The following TRHDE variants were observed in gnomAD, a reference collection of about 807,000 sequenced individuals.
The protein encoded by TRHDE is thyrotropin-releasing hormone-degrading ectoenzyme.
TRHDE carries 72 observed loss-of-function variants against 125.7 expected under a neutral mutation model. The ratio of observed to expected loss-of-function variants is 0.57; its 90% confidence interval spans 0.47 to 0.70. TRHDE has a LOEUF of 0.70. Among genes scored for constraint, TRHDE ranks in the 30% least tolerant of loss-of-function variants. The pLI is 0.00. For synonymous variants in TRHDE, 509 were observed against 509.1 expected (o/e 1.00, Z 0.00); for missense variants, 1,110 against 1,327.1 (o/e 0.84, Z 2.54).
intron 12 of TRHDE, among the ~76,000 whole-genome samples, chr12:72,588,459 T>C (rs1871532915): frequency 6.6e-6 from 1 of 152,156 alleles, no homozygotes; most frequent in Non-Finnish European, 1.5e-5. Flanking sequence ...GTAAGGAGCA[T>C]TGCAGGCTGA....
intron 2 of TRHDE, among the ~76,000 whole-genome samples, chr12:72,184,698 A>G (rs1192295180): frequency 6.6e-6 from 1 of 151,274 alleles, no homozygotes; most frequent in Non-Finnish European, 1.5e-5. Context: ...CTTACCTGCA[A>G]TTTCTTCTTG....
chr12:72,375,776 A>C (rs568148117), intron 2 of TRHDE, among the ~76,000 whole-genome samples: 2 of 152,288 alleles, frequency 1.3e-5, no homozygotes, highest in Admixed American at 1.3e-4. Flanking sequence ...ATTGCTTTTT[A>C]TCTCAATAAT....
intron 3 of TRHDE, among the ~76,000 whole-genome samples, chr12:72,403,927 G>C (rs1873154012): frequency 6.6e-6 from 1 of 152,160 alleles, no homozygotes; most frequent in Non-Finnish European, 1.5e-5. Context: ...TTTGACTATG[G>C]ATAGGAAGAA....
chr12:72,428,975 G>A lies in TRHDE; in HGVS notation c.1316-40783G>A, dbSNP rs185689229. ...AAATTCCATTGTATAGATATACCAC[G>A]TTTTGTGACACATATACACCATGGA... On this transcript the variant is annotated intron_variant, in intron 3 of 18. Transcript: ENST00000261180. 8.6e-4 allele frequency among the ~76,000 whole-genome samples: 130 copies of A among 151,880 alleles called. 1 individual carries two copies. The highest frequency in any genetic ancestry group is 3.0e-3 in the African/African-American group (125 of 41,420).
At chr12:72,375,616 C>A (rs1485428179) in intron 2 of TRHDE, among the ~76,000 whole-genome samples, 1 of 152,130 alleles carries the variant, frequency 6.6e-6, no homozygotes, top group Non-Finnish European at 1.5e-5. Flanking sequence ...CTACTAGATA[C>A]TTTATGTAGA....
intron 12 of TRHDE, among the ~76,000 whole-genome samples, chr12:72,612,178 G>A (rs573987337): frequency 1.3e-5 from 2 of 152,162 alleles, no homozygotes; most frequent in African/African-American, 4.8e-5. Flanking sequence ...CACCAAACTT[G>A]TTGCTTCCTC....
At chr12:72,470,468 G>T (rs754097592) in intron 4 of TRHDE, among the ~76,000 whole-genome samples, 1 of 152,130 alleles carries the variant, frequency 6.6e-6, no homozygotes, top group Non-Finnish European at 1.5e-5. Context: ...TGCCAACTTT[G>T]TAGTGAAGCT....
At position 72,603,741 on chromosome 12, in the gene TRHDE, A is replaced by AACAAAAC. The variant is rs1327030234; in HGVS notation, c.2322-15148_2322-15142dup. ...CTCCGTCTCAAAACAAAAAACAAAA[A>AACAAAAC]ACAAAACAAAACAACAACAACAACA... On this transcript the variant is annotated intron_variant, in intron 12 of 18. Coordinates refer to ENST00000261180, the MANE Select transcript of TRHDE (RefSeq NM_013381.3). 2.5e-4 allele frequency among the ~76,000 whole-genome samples: 38 copies of AACAAAAC among 149,340 alleles called. 1 individual carries two copies. In the South Asian group the frequency reaches 6.7e-3, roughly 26 times the overall value.
At chr12:72,438,734 T>G (rs533575352) in intron 3 of TRHDE, among the ~76,000 whole-genome samples, 1 of 151,912 alleles carries the variant, frequency 6.6e-6, no homozygotes, top group South Asian at 2.1e-4. Context: ...AAAATATTTT[T>G]TGTTCACTCT....
At chr12:72,450,278 C>G (rs2135868880) in intron 3 of TRHDE, among the ~76,000 whole-genome samples, 1 of 152,114 alleles carries the variant, frequency 6.6e-6, no homozygotes, top group Admixed American at 6.6e-5. Flanking sequence ...CCATCTAAAG[C>G]AGTGATTTTC....
chr12:72,447,078 G>A (rs1875325416), intron 3 of TRHDE, among the ~76,000 whole-genome samples: 1 of 151,996 alleles, frequency 6.6e-6, no homozygotes, highest in South Asian at 2.1e-4. Context: ...TCTCAGCACT[G>A]CATCGCACTT....
At chr12:72,240,199 A>C (rs1387613698) in intron 2 of TRHDE, among the ~76,000 whole-genome samples, 1 of 151,656 alleles carries the variant, frequency 6.6e-6, no homozygotes, top group Non-Finnish European at 1.5e-5. Context: ...TTAAAGTTAT[A>C]TGTGTGAATT....
At chr12:72,363,911 A>G (rs1013766901) in intron 2 of TRHDE, among the ~76,000 whole-genome samples, 1 of 152,074 alleles carries the variant, frequency 6.6e-6, no homozygotes, top group Non-Finnish European at 1.5e-5. Context: ...CTGATAAGCA[A>G]CTTCAGCAAA....
chr12:72,262,082 C>T (rs909324524), intron 2 of TRHDE, among the ~76,000 whole-genome samples: 5 of 152,236 alleles, frequency 3.3e-5, no homozygotes, highest in East Asian at 3.9e-4. Flanking sequence ...CAGAAGCTCC[C>T]CTCTCAGGTT....
At chr12:72,639,493 C>G (rs531524307) in intron 15 of TRHDE, among the ~76,000 whole-genome samples, 2 of 152,218 alleles carry the variant, frequency 1.3e-5, no homozygotes, top group Admixed American at 1.3e-4. Context: ...CTGAAGCCTT[C>G]TCTCAGCTCA....
Position 72,652,304 on chromosome 12 carries a change from C to T in TRHDE, c.2676-18C>T, listed in dbSNP as rs749471044. 7.1e-7 allele frequency: 1 copy of T among 1,406,752 alleles called. No homozygotes were observed. Among genetic ancestry groups the T allele is most frequent in the East Asian group, 2.7e-5 (1 of 36,860 alleles). 87.1% of individuals were successfully genotyped at this position (1,406,752 alleles called of 1,614,324 possible). Reference sequence around the variant, plus strand: ...AAGCTTTTAATTAACAGAAAACCACCATGGGTTGCTTCTTTAGAATACCAC... The same window carrying T: ...AAGCTTTTAATTAACAGAAAACCACTATGGGTTGCTTCTTTAGAATACCAC... On this transcript the variant is annotated intron_variant, in intron 15 of 18. Transcript: ENST00000261180.
At chr12:72,455,366 C>G (rs1212049849) in intron 3 of TRHDE, among the ~76,000 whole-genome samples, 2 of 152,062 alleles carry the variant, frequency 1.3e-5, no homozygotes, top group Non-Finnish European at 2.9e-5. Flanking sequence ...ATACTTTATA[C>G]AAGTGTTTAG....
At chr12:72,559,355 G>A (rs557142731) in intron 7 of TRHDE, among the ~76,000 whole-genome samples, 3 of 152,302 alleles carry the variant, frequency 2.0e-5, no homozygotes, top group Admixed American at 2.0e-4. Flanking sequence ...GGCACAAAGA[G>A]TTAAACAGCT....
At chr12:72,614,417 A>G (rs1872743584) in intron 12 of TRHDE, among the ~76,000 whole-genome samples, 1 of 150,254 alleles carries the variant, frequency 6.7e-6, no homozygotes, top group African/African-American at 2.5e-5. Context: ...TCTATGGTAC[A>G]TCAAGGACTA....
Sources: gnomAD v4.1 joint callset for allele counts (sites outside exome capture counted in the v4.1 genomes callset) on GRCh38, gnomAD v4.1.1 for gene constraint, MANE v1.5 for transcripts, NCBI Gene and HGNC (gene_info 2026-07-23, HGNC 2026-07-21) for gene names.